Variants in RAB3C observed in about 807,000 individuals in gnomAD.
The protein encoded by RAB3C is RAB3C, member RAS oncogene family.
In RAB3C, 17 loss-of-function variants were observed where a neutral mutation model predicts 26.4. The ratio of observed to expected loss-of-function variants is 0.64; its 90% CI spans 0.44 to 0.97. RAB3C has a LOEUF of 0.97. Among genes scored for constraint, RAB3C ranks in the 50% least tolerant of loss-of-function variants. The pLI is 0.00. For synonymous variants in RAB3C, 91 were observed against 95.9 expected, an observed-to-expected ratio of 0.95 and a Z score of 0.30; for missense variants, 242 against 281.9, an observed-to-expected ratio of 0.86 and a Z score of 1.01.
Position 58,855,492 on chromosome 5 carries a change from G to A in RAB3C, c.*4141G>A, listed in dbSNP as rs1039603060. 2.6e-5 allele frequency: 4 copies of A among 152,116 alleles called. No homozygotes were observed. Among genetic ancestry groups the A allele is most frequent in the African/African-American group, 4.8e-5 (2 of 41,414 alleles). 9.4% of individuals were successfully genotyped at this position (152,116 alleles called of 1,614,324 possible). ...TGTATAGTCACTTAGTGTGCTGTCC[G>A]GGTGCCACATGAGCAACTACACCCA... On this transcript the variant is annotated 3_prime_UTR_variant, in exon 5 of 5. Transcript: ENST00000282878.
chr5:58,654,477 G>C (rs909965362), intron 2 of RAB3C, among the ~76,000 whole-genome samples: 10 of 152,012 alleles, frequency 6.6e-5, no homozygotes, highest in Non-Finnish European at 1.5e-4. Context: ...TAATTTAAAT[G>C]TTTTTAAGTC....
chr5:58,851,592 T>C lies in RAB3C; in HGVS notation c.*241T>C. 2.7e-6 allele frequency: 1 copy of C among 375,618 alleles called. No individual in the cohort carries two copies. The highest frequency in any genetic ancestry group is 4.0e-5 in the East Asian group (1 of 25,066). 23.3% of individuals were successfully genotyped at this position (375,618 alleles called of 1,614,324 possible). On this transcript the variant is annotated 3_prime_UTR_variant, in exon 5 of 5. Coordinates refer to ENST00000282878, the MANE Select transcript of RAB3C (RefSeq NM_138453.4). ...TCTGGTACCTGCATGTGACTTGTTATTTATTTGTCTGCTAGGCTCTTTTTG... is the reference window on the plus strand; with the variant it reads ...TCTGGTACCTGCATGTGACTTGTTACTTATTTGTCTGCTAGGCTCTTTTTG...
intron 3 of RAB3C, among the ~76,000 whole-genome samples, chr5:58,792,535 G>A (rs1286779673): frequency 1.3e-5 from 2 of 152,092 alleles, no homozygotes; most frequent in East Asian, 3.9e-4. Context: ...ACAGTGCAGT[G>A]GAAATTAGAG....
At chr5:58,650,022 T>G (rs1747610434) in intron 2 of RAB3C, among the ~76,000 whole-genome samples, 1 of 152,222 alleles carries the variant, frequency 6.6e-6, no homozygotes, top group South Asian at 2.1e-4. Context: ...TTTCTGACTT[T>G]CTGCCTTTCT....
chr5:58,813,915 G>A (rs2176266), intron 3 of RAB3C, among the ~76,000 whole-genome samples: 66,085 of 151,852 alleles, frequency 0.44, 16,259 homozygotes, highest in Middle Eastern at 0.66. Flanking sequence ...GCAAGAACTT[G>A]TATTATTATT....
At chr5:58,619,927 T>G (rs1746899882) in intron 2 of RAB3C, among the ~76,000 whole-genome samples, 1 of 151,916 alleles carries the variant, frequency 6.6e-6, no homozygotes, top group African/African-American at 2.4e-5. Context: ...TGAATATAGC[T>G]CTTCTCTGAG....
upstream of RAB3C, chr5:58,582,931 T>C: frequency 1.3e-6 from 1 of 759,208 alleles, no homozygotes; most frequent in East Asian, 3.2e-5. Flanking sequence ...ATCGAGCCTG[T>C]TTAATGGTTT....
intron 2 of RAB3C, among the ~76,000 whole-genome samples, chr5:58,638,251 C>T (rs1747328512): frequency 6.6e-6 from 1 of 152,014 alleles, no homozygotes; most frequent in East Asian, 1.9e-4. Context: ...TTTTCCCTTT[C>T]ATCTTTTGAG....
chr5:58,814,526 A>T, intron 3 of RAB3C: 1 of 152,204 alleles, frequency 6.6e-6, no homozygotes, highest in East Asian at 1.9e-4. Context: ...TATCTTGCCA[A>T]AGATCACTAA....
chr5:58,774,120 C>T (rs1742078968), intron 3 of RAB3C, among the ~76,000 whole-genome samples: 1 of 152,154 alleles, frequency 6.6e-6, no homozygotes, highest in Non-Finnish European at 1.5e-5. Flanking sequence ...CCCCTACTCC[C>T]TAGTGTAGCA....
intron 1 of RAB3C, among the ~76,000 whole-genome samples, chr5:58,587,023 C>A (rs1746021709): frequency 6.6e-6 from 1 of 152,144 alleles, no homozygotes; most frequent in African/African-American, 2.4e-5. Context: ...TTTACAGAAA[C>A]AGAAAATCCC....
chr5:58,828,021 T>A (rs907586284), intron 4 of RAB3C, among the ~76,000 whole-genome samples: 1 of 152,220 alleles, frequency 6.6e-6, no homozygotes, highest in African/African-American at 2.4e-5. Flanking sequence ...AGCAATTAAT[T>A]CTCCATTGTG....
intron 4 of RAB3C, among the ~76,000 whole-genome samples, chr5:58,842,066 A>G (rs1161694279): frequency 1.3e-5 from 2 of 152,104 alleles, no homozygotes; most frequent in African/African-American, 4.8e-5. Context: ...GCATCCTCTC[A>G]TTTCCCCATT....
At chr5:58,794,448 C>G (rs931261097) in intron 3 of RAB3C, 2 of 151,952 alleles carry the variant, frequency 1.3e-5, no homozygotes, top group African/African-American at 4.8e-5. Flanking sequence ...TATAACACTT[C>G]CAGTTTCCCC....
At chr5:58,683,973 TTATAAA>T (rs1350350722) in intron 2 of RAB3C, among the ~76,000 whole-genome samples, 2 of 152,188 alleles carry the variant, frequency 1.3e-5, no homozygotes, top group African/African-American at 4.8e-5. Flanking sequence ...TACGCTCAAC[TTATAAA>T]TTAAAATTTA....
intron 3 of RAB3C, among the ~76,000 whole-genome samples, chr5:58,818,793 A>T (rs1021009455): frequency 6.6e-6 from 1 of 152,248 alleles, no homozygotes; most frequent in African/African-American, 2.4e-5. Context: ...CTCTCATGAG[A>T]TGATTGGAAA....
At chr5:58,800,518 T>G (rs1006538958) in intron 3 of RAB3C, among the ~76,000 whole-genome samples, 3 of 152,210 alleles carry the variant, frequency 2.0e-5, no homozygotes, top group African/African-American at 7.2e-5. Context: ...TGTTTTTTAA[T>G]GTTTAAGCAA....
At chr5:58,726,164 C>A in intron 3 of RAB3C, 44 bp downstream of exon 3, 1 of 985,774 alleles carries the variant, frequency 1.0e-6, no homozygotes, top group Non-Finnish European at 1.6e-6. Context: ...TGATGGTTCT[C>A]CGGTCAACTC....
At chr5:58,828,554 A>G (rs1743539797) in intron 4 of RAB3C, among the ~76,000 whole-genome samples, 1 of 152,154 alleles carries the variant, frequency 6.6e-6, no homozygotes, top group Non-Finnish European at 1.5e-5. Context: ...ATGACTGCCA[A>G]ATCATGTCCC....
Sources: allele counts gnomAD v4.1 joint callset (sites outside exome capture counted in the v4.1 genomes callset), GRCh38; gene constraint gnomAD v4.1.1; transcripts MANE v1.5; gene names NCBI Gene and HGNC (gene_info 2026-07-23, HGNC 2026-07-21).